MYO16: variants seen among roughly 807,000 people sequenced by gnomAD.
MYO16 encodes the protein unconventional myosin-XVI.
A neutral mutation model predicts 205.3 loss-of-function variants in MYO16; 94 were observed. The ratio of observed to expected loss-of-function variants is 0.46; its 90% CI spans 0.39 to 0.54. MYO16 has a LOEUF of 0.54. Among genes scored for constraint, MYO16 ranks in the 20% least tolerant of loss-of-function variants. MYO16 has a pLI of 0.00. For missense variants in MYO16, 2,315 were observed against 2,387.5 expected (o/e 0.97, Z 0.63); for synonymous variants, 988 against 954.0 (o/e 1.04, Z -0.66).
At chr13:108,857,771 C>T (rs887461421) in intron 11 of MYO16, among the ~76,000 whole-genome samples, 7 of 152,176 alleles carry the variant, frequency 4.6e-5, no homozygotes, top group Admixed American at 3.3e-4. Context: ...GCAAATACTT[C>T]CTATGTTTTT....
intron 14 of MYO16, 76 bp from the exon 15 acceptor site, chr13:108,897,940 T>A (rs972817229): frequency 2.0e-5 from 23 of 1,124,560 alleles, no homozygotes; most frequent in Admixed American, 3.5e-5. Context: ...TATTATTCAC[T>A]GCATCGTCGC....
chr13:108,762,430 A>T (rs150739419), intron 4 of MYO16, among the ~76,000 whole-genome samples: 2,725 of 152,316 alleles, frequency 0.018, 35 homozygotes, highest in South Asian at 0.035. Context: ...ACTGTTTTCC[A>T]TAAAAGTTGT....
intron 16 of MYO16, among the ~76,000 whole-genome samples, chr13:108,928,530 G>A (rs934262619): frequency 4.6e-5 from 7 of 152,214 alleles, no homozygotes; most frequent in African/African-American, 9.7e-5. Flanking sequence ...TCCAGTGGAT[G>A]TCAACGTATA....
chr13:108,534,755 C>A, the MYO16 span, among the ~76,000 whole-genome samples: 2 of 151,570 alleles, frequency 1.3e-5, no homozygotes, highest in African/African-American at 4.8e-5. Context: ...ACTCCTCCTC[C>A]TCCTCCTCTT....
intron 22 of MYO16, among the ~76,000 whole-genome samples, chr13:109,012,406 A>T (rs1018873742): frequency 3.9e-5 from 6 of 152,268 alleles, no homozygotes; most frequent in Admixed American, 3.3e-4. Context: ...TTAGGTTCTC[A>T]TAGGAGCAGG....
chr13:109,023,930 A>G (rs2139535123), intron 23 of MYO16, among the ~76,000 whole-genome samples: 1 of 141,542 alleles, frequency 7.1e-6, no homozygotes, highest in East Asian at 2.1e-4. Flanking sequence ...ATACATAAAT[A>G]TAAAATATGA....
the MYO16 span, among the ~76,000 whole-genome samples, chr13:108,496,710 A>G: frequency 6.6e-6 from 1 of 152,252 alleles, no homozygotes; most frequent in South Asian, 2.1e-4. Flanking sequence ...ACAGAAAAGC[A>G]GTAGCTACTC....
the MYO16 span, among the ~76,000 whole-genome samples, chr13:108,533,005 G>A: frequency 6.6e-6 from 1 of 152,088 alleles, no homozygotes; most frequent in Non-Finnish European, 1.5e-5. Context: ...TTAGATGGAA[G>A]GAAGAAAAGG....
intron 9 of MYO16, among the ~76,000 whole-genome samples, chr13:108,842,506 G>T (rs1396682640): frequency 1.3e-5 from 2 of 152,022 alleles, no homozygotes; most frequent in Non-Finnish European, 2.9e-5. Context: ...ACAGGTATAT[G>T]AAAAGGTACT....
the MYO16 span, among the ~76,000 whole-genome samples, chr13:108,526,563 C>G: frequency 6.6e-6 from 1 of 152,102 alleles, no homozygotes; most frequent in Non-Finnish European, 1.5e-5. Context: ...GCAAAACAAA[C>G]AAGATTATTA....
chr13:109,108,011 A>C (rs190765698), intron 28 of MYO16, among the ~76,000 whole-genome samples: 6 of 152,208 alleles, frequency 3.9e-5, no homozygotes, highest in Non-Finnish European at 8.8e-5. Flanking sequence ...AATCTACCAG[A>C]ATTGAACTAC....
At chr13:108,965,020 A>G (rs1883737389) in intron 20 of MYO16, 118 bp downstream of exon 20, 2 of 1,062,132 alleles carry the variant, frequency 1.9e-6, no homozygotes, top group Admixed American at 5.6e-5. Context: ...TCATTAATAT[A>G]TTTTATTTTA....
chr13:109,018,723 G>T (rs1316589716), intron 22 of MYO16, among the ~76,000 whole-genome samples: 1 of 152,170 alleles, frequency 6.6e-6, no homozygotes, highest in Admixed American at 6.5e-5. Context: ...GGTACAGTCT[G>T]TCACGGCTTC....
At chr13:108,922,534 T>C (rs771498349) in intron 16 of MYO16, among the ~76,000 whole-genome samples, 1 of 152,222 alleles carries the variant, frequency 6.6e-6, no homozygotes, top group Non-Finnish European at 1.5e-5. Flanking sequence ...AAAGAGAGAC[T>C]TTCTTCACGT....
At chr13:108,928,160 AAG>A (rs1398123132) in intron 16 of MYO16, among the ~76,000 whole-genome samples, 1 of 152,106 alleles carries the variant, frequency 6.6e-6, no homozygotes, top group East Asian at 1.9e-4. Flanking sequence ...GCTTCCATGA[AAG>A]AGAGGAAGCT....
intron 6 of MYO16, among the ~76,000 whole-genome samples, chr13:108,800,068 C>A (rs1886923307): frequency 6.6e-6 from 1 of 152,122 alleles, no homozygotes; most frequent in African/African-American, 2.4e-5. Flanking sequence ...GGGTGATGCG[C>A]TCTTCCAAAT....
chr13:108,795,279 C>T (rs1177941287), intron 6 of MYO16, among the ~76,000 whole-genome samples: 2 of 151,896 alleles, frequency 1.3e-5, no homozygotes, highest in African/African-American at 4.8e-5. Flanking sequence ...GCAACCTCCA[C>T]CTCCCAGGTT....
rs183844204 is a variant in MYO16 at position 109,040,480 on chromosome 13, G to T, written c.2797-6436G>T. Among the ~76,000 whole-genome samples, 106 of 151,632 alleles carry T rather than the reference G, an allele frequency of 7.0e-4. 2 individuals are homozygous for T. Among genetic ancestry groups the T allele is most frequent in the Admixed American group, 6.8e-3 (104 of 15,186 alleles). ...AAAAAATATGTTTAATATATTAGCA[G>T]ATAGAACTTAGCAATATATAAAAAG... On this transcript the variant is annotated intron_variant, in intron 23 of 34. Coordinates refer to ENST00000457511, the MANE Select transcript of MYO16 (RefSeq NM_001198950.3).
chr13:108,813,811 A>G (rs1887367584), intron 7 of MYO16, among the ~76,000 whole-genome samples: 1 of 152,168 alleles, frequency 6.6e-6, no homozygotes, highest in Non-Finnish European at 1.5e-5. Context: ...AGCACACTCT[A>G]CCTGCTCACA....
Sources: allele counts gnomAD v4.1 joint callset (sites outside exome capture counted in the v4.1 genomes callset), GRCh38; gene constraint gnomAD v4.1.1; transcripts MANE v1.5; gene names NCBI Gene and HGNC (gene_info 2026-07-23, HGNC 2026-07-21).